Variants in RAD21L1 observed in about 807,000 individuals in gnomAD.
RAD21L1 encodes the protein RAD21 cohesin complex component like 1, also known as double-strand-break repair protein rad21-like protein 1.
Under a neutral mutation model 69.0 loss-of-function variants are expected in RAD21L1, and 47 were observed. The observed-to-expected ratio is 0.68, with a 90% CI of 0.54 to 0.87. RAD21L1 has a LOEUF of 0.87. Ranked by LOEUF, RAD21L1 falls within the 40% of genes least tolerant of loss-of-function variation. The pLI, the probability that RAD21L1 is intolerant of heterozygous loss-of-function variation, is 0.00. For synonymous variants in RAD21L1, 177 were observed against 205.8 expected (o/e 0.86, Z 1.20); for missense variants, 583 against 647.6 (o/e 0.90, Z 1.08).
At chr20:1,239,163 C>T in intron 6 of RAD21L1, 149 bp from the exon 7 acceptor site, 1 of 567,472 alleles carries the variant, frequency 1.8e-6, no homozygotes, top group East Asian at 3.0e-5. Context: ...TTGGCTGTTC[C>T]TATCAAATCT....
rs2087672032 is a variant in RAD21L1, at chr20:1,244,040, A to G, written c.1184-6A>G. Reference sequence around the variant, plus strand: ...TGAAATTGTCTTTATTTCCTTGATAATTCAGAGACATCCATGATGCAAGAG... The same window carrying G: ...TGAAATTGTCTTTATTTCCTTGATAGTTCAGAGACATCCATGATGCAAGAG... On this transcript the variant is annotated splice_polypyrimidine_tract_variant and splice_region_variant and intron_variant, in intron 10 of 13. Transcript: ENST00000683101. 1.3e-6 allele frequency: 2 copies of G among 1,547,962 alleles called. No homozygotes were observed. The highest frequency in any genetic ancestry group is 1.7e-6 in the Non-Finnish European group (2 of 1,144,958).
intron 10 of RAD21L1, among the ~76,000 whole-genome samples, chr20:1,243,766 T>G (rs969804915): frequency 6.6e-5 from 10 of 152,128 alleles, no homozygotes; most frequent in African/African-American, 2.4e-4. Flanking sequence ...TATACCACAA[T>G]GGGCTTGAAC....
chr20:1,243,031 C>T (rs2087647638), intron 9 of RAD21L1, 66 bp from the exon 10 acceptor site: 2 of 1,035,236 alleles, frequency 1.9e-6, no homozygotes, highest in African/African-American at 3.3e-5. Context: ...TAGATATGTG[C>T]TTGTGTTTTC....
intron 13 of RAD21L1, among the ~76,000 whole-genome samples, chr20:1,250,190 C>CT (rs1238783556): frequency 1.3e-5 from 2 of 150,592 alleles, no homozygotes; most frequent in African/African-American, 4.9e-5. Flanking sequence ...TGAACTCATC[C>CT]TTTTTTATGG....
chr20:1,230,855 C>G (rs1459128829), intron 3 of RAD21L1: 4 of 282,062 alleles, frequency 1.4e-5, no homozygotes, highest in Non-Finnish European at 2.1e-5. Context: ...GTACCAAACA[C>G]TATGTTAGGC....
intron 3 of RAD21L1, among the ~76,000 whole-genome samples, chr20:1,231,117 C>T (rs2122771640): frequency 6.6e-6 from 1 of 152,080 alleles, no homozygotes; most frequent in East Asian, 1.9e-4. Flanking sequence ...GTAAAAAGTC[C>T]CTGAGGGAAT....
chr20:1,248,045 C>CAAAAA (rs71327497), intron 12 of RAD21L1, among the ~76,000 whole-genome samples: 71 of 71,922 alleles, frequency 9.9e-4, no homozygotes, highest in African/African-American at 2.2e-3. Flanking sequence ...CCTTAAATAC[C>CAAAAA]AAAAAAAAAA....
rs1201875872 is a variant in RAD21L1, at chr20:1,229,931, A to G, written c.196A>G (p.Ile66Val). ...ACACCTTCTTTTGGGAGTTGTTCGAATCTATAACAGGAAGGCAAAATATCT... is the reference window on the plus strand; with the variant it reads ...ACACCTTCTTTTGGGAGTTGTTCGAGTCTATAACAGGAAGGCAAAATATCT... ...SGHLLLGVVR[I>V]YNRKAKYLLA... The change falls in exon 3 of 14, where the codon ATC (isoleucine) becomes GTC (valine). Residue 66 changes from isoleucine to valine, a missense_variant. Physicochemically the swap from Ile to Val is conservative, Grantham distance 29. Coordinates refer to ENST00000683101, the MANE Select transcript of RAD21L1 (RefSeq NM_001384355.1). 6.5e-7 allele frequency: 1 copy of G among 1,550,330 alleles called. No homozygotes were observed. Among genetic ancestry groups the G allele is most frequent in the South Asian group, 1.2e-5 (1 of 83,936 alleles).
Position 1,242,851 on chromosome 20 carries a change from G to T in RAD21L1, c.1083+6G>T, listed in dbSNP as rs17717217. 2.6e-6 allele frequency: 4 copies of T among 1,533,456 alleles called. No homozygotes were observed. Among genetic ancestry groups the T allele is most frequent in the Non-Finnish European group, 3.5e-6 (4 of 1,130,648 alleles). 95.0% of individuals were successfully genotyped at this position (1,533,456 alleles called of 1,614,324 possible). A position where few individuals can be genotyped will look rare whatever the true frequency, so the allele number is the denominator to read the frequency against. ...TTCATGCTGAACTGAAAATGGTAAC[G>T]GTTCCTACCCTTCTACATGTGAGCA... On this transcript the variant is annotated splice_donor_region_variant and intron_variant, in intron 9 of 13. Transcript: ENST00000683101.
At position 1,255,576 on chromosome 20, in the gene RAD21L1, T is replaced by C. The variant is rs1209623330; in HGVS notation, c.*1119T>C. On this transcript the variant is annotated 3_prime_UTR_variant, in exon 14 of 14. Coordinates refer to ENST00000683101, the MANE Select transcript of RAD21L1 (RefSeq NM_001384355.1). ...GCAAAATTGCCTTTTTAAAATTTCT[T>C]TTATTTTTTAAATTAACATACAGAA... is the stretch of plus-strand genomic sequence containing the variant. Among the ~76,000 whole-genome samples, 2 of 152,220 alleles carry C rather than the reference T, an allele frequency of 1.3e-5. No individual in the cohort carries two copies. The highest frequency in any genetic ancestry group is 2.9e-5 in the Non-Finnish European group (2 of 68,028).
chr20:1,239,719 C>A (rs2087568037), intron 7 of RAD21L1, among the ~76,000 whole-genome samples: 1 of 152,118 alleles, frequency 6.6e-6, no homozygotes, highest in African/African-American at 2.4e-5. Context: ...AATCTACATA[C>A]AATTTGAGAG....
rs1200032893 is a variant in RAD21L1, at chr20:1,255,706, A to G, written c.*1249A>G. Among the ~76,000 whole-genome samples the G allele has an allele frequency of 6.6e-6, 1 of 152,186 alleles. No homozygotes were observed. The highest frequency in any genetic ancestry group is 1.5e-5 in the Non-Finnish European group (1 of 68,030). ...GGATTCCAGCAGTAACATCACCCTA[A>G]AAAATTCTGTTATCCCTTTGTAGTA... On this transcript the variant is annotated 3_prime_UTR_variant, in exon 14 of 14. Coordinates refer to ENST00000683101, the MANE Select transcript of RAD21L1 (RefSeq NM_001384355.1).
chr20:1,242,919 T>A, intron 9 of RAD21L1, 74 bp downstream of exon 9: 2 of 1,036,220 alleles, frequency 1.9e-6, no homozygotes, highest in Non-Finnish European at 2.9e-6. Context: ...AATAAACACA[T>A]ATTTACATAC....
At chr20:1,251,881 C>T (rs188777327) in intron 13 of RAD21L1, among the ~76,000 whole-genome samples, 30 of 152,152 alleles carry the variant, frequency 2.0e-4, no homozygotes, top group Admixed American at 2.6e-4. Context: ...GATTAACATG[C>T]AGTAAACTAT....
rs1419895272 is a variant in RAD21L1 at position 1,244,134 on chromosome 20, C to G, written c.1272C>G (p.Ser424Arg). ...ATGTGATTGGTGGATCTCAGCATAG[C>G]TCTCATGAGGATACCAATAAAAATA... ...WKDVIGGSQH[S>R]SHEDTNKNIN... The change falls in exon 11 of 14, where the codon AGC (serine) becomes AGG (arginine). Residue 424 changes from serine to arginine, a missense_variant. Coordinates refer to ENST00000683101, the MANE Select transcript of RAD21L1 (RefSeq NM_001384355.1). The G allele has an allele frequency of 1.9e-6, 3 of 1,547,540 alleles. No individual in the cohort carries two copies. Among genetic ancestry groups the G allele is most frequent in the African/African-American group, 1.4e-5 (1 of 72,930 alleles).
Position 1,243,204 on chromosome 20 carries a change from T to G in RAD21L1, c.1183+8T>G. The stretch of plus-strand genomic sequence containing the variant: ...GAAACCAAAATATAGTAGGTGAGAC[T>G]TCTTAATTCTGTTGATGTTGAGGGG... On this transcript the variant is annotated splice_region_variant and intron_variant, in intron 10 of 13. Transcript: ENST00000683101. The G allele has an allele frequency of 7.4e-7, 1 of 1,346,176 alleles. No individual in the cohort carries two copies. The highest frequency in any genetic ancestry group is 1.0e-6 in the Non-Finnish European group (1 of 986,942). The allele number at this position is 1,346,176 out of a possible 1,614,324, so 83.4% of individuals were successfully genotyped here.
chr20:1,254,604 T>A lies in RAD21L1; in HGVS notation c.*147T>A. On this transcript the variant is annotated 3_prime_UTR_variant, in exon 14 of 14. Coordinates refer to ENST00000683101, the MANE Select transcript of RAD21L1 (RefSeq NM_001384355.1). ...ACTTCCTCTCTGTAGTTCAGAATAATCATAGCTAGAATTGGAAACCTACAT... is the reference window on the plus strand; with the variant it reads ...ACTTCCTCTCTGTAGTTCAGAATAAACATAGCTAGAATTGGAAACCTACAT... The A allele has an allele frequency of 2.2e-6, 1 of 447,202 alleles. No homozygotes were observed. Among genetic ancestry groups the A allele is most frequent in the Non-Finnish European group, 3.9e-6 (1 of 259,166 alleles). 27.7% of individuals were successfully genotyped at this position (447,202 alleles called of 1,614,324 possible).
chr20:1,250,206 T>A (rs2087799849), intron 13 of RAD21L1, among the ~76,000 whole-genome samples: 1 of 151,686 alleles, frequency 6.6e-6, no homozygotes, highest in South Asian at 2.1e-4. Context: ...TATGGCTGCA[T>A]AGTATTCCAT....
chr20:1,229,393 A>G (rs1168866279), intron 2 of RAD21L1, among the ~76,000 whole-genome samples: 5 of 152,158 alleles, frequency 3.3e-5, no homozygotes, highest in Non-Finnish European at 5.9e-5. Flanking sequence ...TAAAATAAGT[A>G]TATAATAAAT....
Sources: allele counts gnomAD v4.1 joint callset (sites outside exome capture counted in the v4.1 genomes callset), GRCh38; gene constraint gnomAD v4.1.1; transcripts MANE v1.5; gene names NCBI Gene and HGNC (gene_info 2026-07-23, HGNC 2026-07-21).